RFX4: variants seen among roughly 807,000 people sequenced by gnomAD.
RFX4 encodes regulatory factor X4, also known as transcription factor RFX4.
A neutral mutation model predicts 95.0 loss-of-function variants in RFX4; 10 were observed. The observed-to-expected ratio is 0.11, with a 90% confidence interval of 0.06 to 0.18. RFX4 has a LOEUF of 0.18. Ranked by LOEUF, RFX4 falls within the 10% of genes least tolerant of loss-of-function variation. The pLI is 1.00. For missense variants in RFX4, 640 were observed against 922.0 expected (o/e 0.69, Z 3.96); for synonymous variants, 321 against 340.7 (o/e 0.94, Z 0.64).
chr12:106,675,965 T>A (rs1399798927), intron 4 of RFX4, among the ~76,000 whole-genome samples: 1 of 152,182 alleles, frequency 6.6e-6, no homozygotes. Flanking sequence ...AGAGGCTTCA[T>A]GGAAAAGTGG....
chr12:106,631,395 A>G (rs2040412827), intron 2 of RFX4, among the ~76,000 whole-genome samples: 1 of 152,250 alleles, frequency 6.6e-6, no homozygotes, highest in Non-Finnish European at 1.5e-5. Flanking sequence ...ACAAGCTAAC[A>G]AGGCAGACCC....
intron 1 of RFX4, among the ~76,000 whole-genome samples, chr12:106,595,128 T>C (rs1336734288): frequency 6.6e-6 from 1 of 152,202 alleles, no homozygotes; most frequent in Non-Finnish European, 1.5e-5. Flanking sequence ...ACATATTGAC[T>C]CTATGGTATT....
chr12:106,623,270 G>T (rs1042532292), intron 2 of RFX4, among the ~76,000 whole-genome samples: 2 of 151,714 alleles, frequency 1.3e-5, no homozygotes, highest in South Asian at 2.1e-4. Flanking sequence ...TGATCTGCCC[G>T]CCTTGGCCTC....
intron 7 of RFX4, 46 bp downstream of exon 7, chr12:106,689,410 T>C: frequency 6.8e-7 from 1 of 1,461,720 alleles, no homozygotes; most frequent in African/African-American, 1.4e-5. Context: ...ATTAAAAATC[T>C]TGTAACACTA....
intron 5 of RFX4, chr12:106,683,670 A>G (rs2041579277): frequency 6.6e-6 from 1 of 152,100 alleles, no homozygotes; most frequent in South Asian, 2.1e-4. Context: ...GATATGGAAT[A>G]AATGAAAATA....
chr12:106,683,561 G>A (rs1023895973), intron 5 of RFX4: 9 of 147,676 alleles, frequency 6.1e-5, no homozygotes, highest in African/African-American at 2.3e-4. Context: ...GCCTTGGTAC[G>A]ATTATAGATT....
chr12:106,734,038 T>G (rs1169156302), intron 15 of RFX4, among the ~76,000 whole-genome samples: 2 of 152,178 alleles, frequency 1.3e-5, no homozygotes, highest in African/African-American at 2.4e-5. Context: ...TGATGAACCT[T>G]GAAGATAGTA....
At chr12:106,688,485 A>C (rs1178111990) in intron 6 of RFX4, among the ~76,000 whole-genome samples, 1 of 152,206 alleles carries the variant, frequency 6.6e-6, no homozygotes, top group East Asian at 1.9e-4. Flanking sequence ...GAATGAGATG[A>C]GTCCTGCTTT....
intron 3 of RFX4, among the ~76,000 whole-genome samples, chr12:106,652,616 G>A (rs530714020): frequency 2.6e-5 from 4 of 152,288 alleles, no homozygotes; most frequent in South Asian, 4.1e-4. Flanking sequence ...CCAGAAGCGC[G>A]GGAAGTAGAT....
At chr12:106,679,731 C>T (rs1286952408) in intron 4 of RFX4, among the ~76,000 whole-genome samples, 1 of 152,158 alleles carries the variant, frequency 6.6e-6, no homozygotes, top group Non-Finnish European at 1.5e-5. Flanking sequence ...ATTAGCATGT[C>T]TATGTCTGTT....
chr12:106,603,655 A>C (rs2039760481), intron 1 of RFX4, among the ~76,000 whole-genome samples: 1 of 152,230 alleles, frequency 6.6e-6, no homozygotes, highest in South Asian at 2.1e-4. Flanking sequence ...GAATGAGGCA[A>C]TTGGGAATAG....
intron 17 of RFX4, among the ~76,000 whole-genome samples, chr12:106,752,097 C>T (rs867259092): frequency 6.6e-6 from 1 of 150,942 alleles, no homozygotes; most frequent in African/African-American, 2.4e-5. Flanking sequence ...TTTAATCCAT[C>T]TTGAATTGAT....
At chr12:106,755,325 G>T (rs935864127) in intron 17 of RFX4, among the ~76,000 whole-genome samples, 5 of 152,120 alleles carry the variant, frequency 3.3e-5, no homozygotes, top group Non-Finnish European at 5.9e-5. Flanking sequence ...CGAACTCCTG[G>T]GCTCCAGTGA....
intron 2 of RFX4, among the ~76,000 whole-genome samples, chr12:106,611,245 C>T (rs2039955578): frequency 6.6e-6 from 1 of 152,148 alleles, no homozygotes. Flanking sequence ...CAAATATTTC[C>T]TCCTATTCCA....
chr12:106,604,733 G>T (rs2039789691), intron 1 of RFX4, among the ~76,000 whole-genome samples: 1 of 152,166 alleles, frequency 6.6e-6, no homozygotes, highest in Non-Finnish European at 1.5e-5. Context: ...TTATTAAGTG[G>T]TTTAAGTTCT....
chr12:106,646,406 G>A (rs1416714494), intron 3 of RFX4, among the ~76,000 whole-genome samples: 1 of 120,466 alleles, frequency 8.3e-6, no homozygotes, highest in Admixed American at 1.1e-4. Flanking sequence ...GCAACACTGT[G>A]CTTAATACAT....
intron 3 of RFX4, among the ~76,000 whole-genome samples, chr12:106,647,760 A>G (rs1289661848): frequency 6.6e-6 from 1 of 152,200 alleles, no homozygotes; most frequent in East Asian, 1.9e-4. Context: ...GTTACTCTTT[A>G]TTGAGTGTCC....
Position 106,696,383 on chromosome 12 carries a change from C to G in RFX4, c.770C>G (p.Ser257Cys), listed in dbSNP as rs139914322. 1.1e-4 allele frequency: 182 copies of G among 1,614,050 alleles called. No individual in the cohort carries two copies. Among genetic ancestry groups the G allele is most frequent in the Non-Finnish European group, 1.5e-4 (179 of 1,180,036 alleles). Residue 257 changes from serine to cysteine, a missense_variant, in exon 8 of 18, where the codon TCC (serine) becomes TGC (cysteine). This residue lies in a region of RFX4 where 96 missense variants were observed against 183.7 expected (regional missense o/e 0.52). Coordinates refer to ENST00000392842, the MANE Select transcript of RFX4 (RefSeq NM_213594.3). ...GTGAACATTGTCGGCGTGTGTGACT[C>G]CATCCTCTACAAAGCTATCTCCGGG... ...TVVNIVGVCD[S>C]ILYKAISGVL...
At chr12:106,610,527 C>T (rs1244552574) in intron 2 of RFX4, among the ~76,000 whole-genome samples, 1 of 152,182 alleles carries the variant, frequency 6.6e-6, no homozygotes, top group Non-Finnish European at 1.5e-5. Context: ...GTTAATTTGA[C>T]TGCTCTAAGT....
Sources: allele counts gnomAD v4.1 joint callset (sites outside exome capture counted in the v4.1 genomes callset), GRCh38; gene constraint gnomAD v4.1.1; regional missense constraint gnomAD v4.1.1; transcripts MANE v1.5; gene names NCBI Gene and HGNC (gene_info 2026-07-23, HGNC 2026-07-21).